The following MYOCOS variants were observed in gnomAD, a reference collection of about 807,000 sequenced individuals.
MYOCOS encodes myocilin opposite strand, also known as myocilin opposite strand protein.
At chr1:171,617,415 G>GTA (rs1293270953), upstream of MYOCOS, among the ~76,000 whole-genome samples, 1 of 152,112 alleles carries the variant, frequency 6.6e-6, no homozygotes, top group Non-Finnish European at 1.5e-5. Flanking sequence ...GCTGTTATGA[G>GTA]TATAGGAAAA....
chr1:171,626,327 C>A (rs1652696982), intron 2 of MYOCOS, 127 bp from the exon 3 acceptor site: 2 of 388,356 alleles, frequency 5.1e-6, no homozygotes, highest in Non-Finnish European at 9.1e-6. Flanking sequence ...AGTGATCCTT[C>A]CACCTCAGCC....
intron 1 of MYOCOS, among the ~76,000 whole-genome samples, chr1:171,623,192 G>C (rs1207032886): frequency 6.6e-6 from 1 of 151,664 alleles, no homozygotes; most frequent in Non-Finnish European, 1.5e-5. Flanking sequence ...GCCAGACCCT[G>C]TTTCAAAAAG....
At chr1:171,605,511 G>A (rs904172106) in intron 1 of MYOCOS, among the ~76,000 whole-genome samples, 2 of 151,766 alleles carry the variant, frequency 1.3e-5, no homozygotes, top group East Asian at 1.9e-4. Context: ...AGGACTGGAC[G>A]GCCCCCACCA....
At chr1:171,616,033 C>T (rs769733850) in intron 2 of MYOCOS, among the ~76,000 whole-genome samples, 1 of 151,932 alleles carries the variant, frequency 6.6e-6, no homozygotes, top group Non-Finnish European at 1.5e-5. Flanking sequence ...GCCTGGCCAA[C>T]GTGGTGAAAC....
intron 2 of MYOCOS, among the ~76,000 whole-genome samples, chr1:171,616,169 A>G (rs1053135458): frequency 3.9e-5 from 6 of 152,232 alleles, no homozygotes; most frequent in African/African-American, 1.4e-4. Context: ...GTGAGCCAAG[A>G]TCGTGCCACT....
At chr1:171,613,593 G>T (rs971371218) in intron 1 of MYOCOS, among the ~76,000 whole-genome samples, 1 of 152,088 alleles carries the variant, frequency 6.6e-6, no homozygotes, top group Non-Finnish European at 1.5e-5. Context: ...TGTCACCCAG[G>T]TTGGAGTGCA....
At chr1:171,609,848 G>A (rs1652324297) in intron 1 of MYOCOS, among the ~76,000 whole-genome samples, 1 of 152,182 alleles carries the variant, frequency 6.6e-6, no homozygotes, top group Non-Finnish European at 1.5e-5. Context: ...GAATGCAGGT[G>A]CAGCTTAACT....
intron 1 of MYOCOS, among the ~76,000 whole-genome samples, chr1:171,603,208 T>C (rs1340021257): frequency 4.6e-5 from 7 of 152,218 alleles, no homozygotes; most frequent in African/African-American, 1.7e-4. Flanking sequence ...TTATTAGCAT[T>C]CCTTAGAGAC....
At chr1:171,607,711 A>G (rs1652277117) in intron 1 of MYOCOS, among the ~76,000 whole-genome samples, 2 of 152,220 alleles carry the variant, frequency 1.3e-5, no homozygotes, top group African/African-American at 4.8e-5. Flanking sequence ...CCTTCTGTCC[A>G]TATGGGTTAA....
At chr1:171,620,138 T>C (rs2102938131), upstream of MYOCOS, among the ~76,000 whole-genome samples, 1 of 150,398 alleles carries the variant, frequency 6.6e-6, no homozygotes, top group East Asian at 1.9e-4. Context: ...TCTGTCTCTC[T>C]AGAGAACCCT....
upstream of MYOCOS, among the ~76,000 whole-genome samples, chr1:171,618,396 C>T (rs1228952366): frequency 6.6e-6 from 1 of 152,182 alleles, no homozygotes; most frequent in South Asian, 2.1e-4. Flanking sequence ...CTGAGAATAA[C>T]CGAGTCACAT....
At chr1:171,619,425 G>C (rs950867112), upstream of MYOCOS, among the ~76,000 whole-genome samples, 1 of 152,172 alleles carries the variant, frequency 6.6e-6, no homozygotes, top group Non-Finnish European at 1.5e-5. Context: ...GGATTGTACT[G>C]TTGTCAATCA....
chr1:171,623,760 A>G, intron 1 of MYOCOS, 81 bp from the exon 2 acceptor site: 1 of 397,116 alleles, frequency 2.5e-6, no homozygotes, highest in Admixed American at 4.4e-5. Context: ...TGTTCTCTGC[A>G]AACTGCGCCA....
At chr1:171,609,845 G>C (rs1160587244) in intron 1 of MYOCOS, among the ~76,000 whole-genome samples, 1 of 152,188 alleles carries the variant, frequency 6.6e-6, no homozygotes, top group Non-Finnish European at 1.5e-5. Context: ...CAGGAATGCA[G>C]GTGCAGCTTA....
upstream of MYOCOS, among the ~76,000 whole-genome samples, chr1:171,620,380 A>G (rs543986605): frequency 6.6e-6 from 1 of 152,210 alleles, no homozygotes; most frequent in East Asian, 1.9e-4. Context: ...ACCCCAAAAC[A>G]TGTTTCTTTG....
At chr1:171,604,253 G>C (rs571118823) in intron 1 of MYOCOS, 1 of 152,266 alleles carries the variant, frequency 6.6e-6, no homozygotes, top group African/African-American at 2.4e-5. Flanking sequence ...TCCATGCACG[G>C]CCGAAGCGTG....
chr1:171,618,223 G>A (rs567735281), upstream of MYOCOS, among the ~76,000 whole-genome samples: 1 of 152,202 alleles, frequency 6.6e-6, no homozygotes, highest in African/African-American at 2.4e-5. Flanking sequence ...TGTCACCTGG[G>A]TTGGCACTCA....
At chr1:171,610,609 C>T in intron 1 of MYOCOS, among the ~76,000 whole-genome samples, 1 of 152,142 alleles carries the variant, frequency 6.6e-6, no homozygotes, top group East Asian at 1.9e-4. Context: ...GTGTAACAAG[C>T]CCACTCTTGC....
exon 1 of MYOCOS, chr1:171,601,001 C>T (rs235886): frequency 0.16 from 24,000 of 152,248 alleles, 1,954 homozygotes; most frequent in Middle Eastern, 0.29. Flanking sequence ...GCCCCTTAGG[C>T]GGCTTAGGCC....
Sources: gnomAD v4.1 joint callset for allele counts (sites outside exome capture counted in the v4.1 genomes callset) on GRCh38, gnomAD v4.1.1 for gene constraint, MANE v1.5 for transcripts, NCBI Gene and HGNC (gene_info 2026-07-23, HGNC 2026-07-21) for gene names.